Variants in UBE2QL1 observed in about 807,000 individuals in gnomAD.
UBE2QL1 encodes ubiquitin conjugating enzyme E2 QL1, also known as ubiquitin-conjugating enzyme E2Q-like protein 1.
In UBE2QL1, 5 loss-of-function variants were observed where a neutral mutation model predicts 12.6. That is an observed-to-expected ratio of 0.40 (90% CI 0.21 to 0.83). The LOEUF is 0.83. Among genes scored for constraint, UBE2QL1 ranks in the 40% least tolerant of loss-of-function variants. The pLI, the probability that UBE2QL1 is intolerant of heterozygous loss-of-function variation, is 0.37. For synonymous variants in UBE2QL1, 96 were observed against 94.5 expected (o/e 1.02, Z -0.10); for missense variants, 99 against 222.6 (o/e 0.44, Z 3.53).
chr5:6,487,402 G>A (rs145723182), intron 1 of UBE2QL1, among the ~76,000 whole-genome samples: 45 of 152,374 alleles, frequency 3.0e-4, no homozygotes, highest in African/African-American at 1.0e-3. Flanking sequence ...TTAAGGTGGT[G>A]ATGGCAAAAT....
intron 1 of UBE2QL1, among the ~76,000 whole-genome samples, chr5:6,454,679 A>G (rs1739481081): frequency 6.6e-6 from 1 of 152,216 alleles, no homozygotes; most frequent in Non-Finnish European, 1.5e-5. Context: ...AGCTTTGAGC[A>G]GAGAGATGGC....
At chr5:6,460,239 C>G (rs1451301913) in intron 1 of UBE2QL1, among the ~76,000 whole-genome samples, 1 of 152,200 alleles carries the variant, frequency 6.6e-6, no homozygotes, top group East Asian at 1.9e-4. Context: ...GGAGCATAAA[C>G]CCAACTGCTC....
intron 1 of UBE2QL1, among the ~76,000 whole-genome samples, chr5:6,466,548 G>A (rs1003325115): frequency 2.6e-5 from 4 of 152,238 alleles, no homozygotes; most frequent in Admixed American, 1.3e-4. Context: ...CCAGCCCTGC[G>A]CCTAGTAAGC....
intron 1 of UBE2QL1, among the ~76,000 whole-genome samples, chr5:6,459,052 AG>A: frequency 6.6e-6 from 1 of 152,248 alleles, no homozygotes; most frequent in South Asian, 2.1e-4. Context: ...AGGATCCTCC[AG>A]GGGAAGTGCC....
intron 1 of UBE2QL1, among the ~76,000 whole-genome samples, chr5:6,489,211 G>C (rs1207765280): frequency 6.6e-6 from 1 of 152,150 alleles, no homozygotes; most frequent in African/African-American, 2.4e-5. Flanking sequence ...GATCACTTGA[G>C]ACCAGGAGTC....
At chr5:6,487,204 C>A (rs1470395193) in intron 1 of UBE2QL1, among the ~76,000 whole-genome samples, 1 of 152,184 alleles carries the variant, frequency 6.6e-6, no homozygotes, top group Non-Finnish European at 1.5e-5. Context: ...AAGTTTGGGG[C>A]CACTTGTCAT....
At position 6,456,007 on chromosome 5, in the gene UBE2QL1, G is replaced by A. The variant is rs548147807; in HGVS notation, c.354+6760G>A. ...TGATTCCCTCCACCCTCGATGAGAC[G>A]CAGCTGCGGAGGGTGGTGTGAGCAG... On this transcript the variant is annotated intron_variant, in intron 1 of 1. Transcript: ENST00000399816. Among the ~76,000 whole-genome samples the A allele has an allele frequency of 3.9e-5, 6 of 152,278 alleles. No homozygotes were observed. The East Asian group carries it at 9.7e-4, about 25-fold the overall frequency.
At chr5:6,453,210 T>G (rs566166958) in intron 1 of UBE2QL1, among the ~76,000 whole-genome samples, 1 of 152,314 alleles carries the variant, frequency 6.6e-6, no homozygotes, top group South Asian at 2.1e-4. Flanking sequence ...GTGAGGAAAC[T>G]GTAGTTTCAC....
chr5:6,462,677 G>A (rs1488788499), intron 1 of UBE2QL1, among the ~76,000 whole-genome samples: 2 of 152,176 alleles, frequency 1.3e-5, no homozygotes, highest in South Asian at 4.1e-4. Context: ...GGAAGAAAAA[G>A]GCCACCCTCA....
Position 6,491,572 on chromosome 5 carries a change from C to A in UBE2QL1, c.*223C>A, listed in dbSNP as rs1734571057. 2 of 462,604 alleles carry A rather than the reference C, an allele frequency of 4.3e-6. No individual in the cohort carries two copies. The highest frequency in any genetic ancestry group is 1.0e-4 in the South Asian group (2 of 19,526). 28.7% of individuals were successfully genotyped at this position (462,604 alleles called of 1,614,324 possible). A position where few individuals can be genotyped will look rare whatever the true frequency, so the allele number is the denominator to read the frequency against. ...GTTTCGATTATAAATGAATGATCACCTCGAAGTCACTTTAGAACACATGTT... is the reference window on the plus strand; with the variant it reads ...GTTTCGATTATAAATGAATGATCACATCGAAGTCACTTTAGAACACATGTT... On this transcript the variant is annotated 3_prime_UTR_variant, in exon 2 of 2. Transcript: ENST00000399816.
At chr5:6,474,596 C>T (rs1017082899) in intron 1 of UBE2QL1, among the ~76,000 whole-genome samples, 9 of 152,204 alleles carry the variant, frequency 5.9e-5, no homozygotes, top group Admixed American at 1.3e-4. Context: ...TAAAATACTG[C>T]GTGGGACACA....
rs907524320 is a variant in UBE2QL1 at position 6,494,057 on chromosome 5, G to C, written c.*2708G>C. The C allele has an allele frequency of 1.3e-5, 2 of 152,254 alleles. No homozygotes were observed. The highest frequency in any genetic ancestry group is 2.9e-5 in the Non-Finnish European group (2 of 68,072). 9.4% of individuals were successfully genotyped at this position (152,254 alleles called of 1,614,324 possible). A position where few individuals can be genotyped will look rare whatever the true frequency, so the allele number is the denominator to read the frequency against. On this transcript the variant is annotated 3_prime_UTR_variant, in exon 2 of 2. Transcript: ENST00000399816. Reference sequence around the variant, plus strand: ...GATAGCTCCACACACCCATGTATCTGTGGGAACTCAAACCAAGCCAGAGCC... The same window carrying C: ...GATAGCTCCACACACCCATGTATCTCTGGGAACTCAAACCAAGCCAGAGCC...
Position 6,448,971 on chromosome 5 carries a change from C to T in UBE2QL1, c.78C>T (p.Asp26=). 6.5e-7 allele frequency: 1 copy of T among 1,549,600 alleles called. No individual in the cohort carries two copies. The highest frequency in any genetic ancestry group is 8.7e-7 in the Non-Finnish European group (1 of 1,146,166). The part of the protein sequence containing the change: ...SVELVDESLF[D]WNVKLHQVDK... ...AGCTGGTGGACGAGAGCCTGTTCGACTGGAACGTGAAGCTGCACCAGGTGG... is the reference window on the plus strand; with the variant it reads ...AGCTGGTGGACGAGAGCCTGTTCGATTGGAACGTGAAGCTGCACCAGGTGG... Residue 26 remains aspartate (D), a synonymous_variant, in exon 1 of 2, where the codon GAC becomes GAT. Transcript: ENST00000399816.
intron 1 of UBE2QL1, among the ~76,000 whole-genome samples, chr5:6,483,510 G>A (rs906871498): frequency 1.8e-4 from 27 of 152,112 alleles, no homozygotes; most frequent in African/African-American, 6.3e-4. Flanking sequence ...GTGAAGGATC[G>A]TGTTCCCTGC....
intron 1 of UBE2QL1, among the ~76,000 whole-genome samples, chr5:6,467,806 C>G (rs1560931495): frequency 6.6e-6 from 1 of 152,172 alleles, no homozygotes. Context: ...TCCCATCCCC[C>G]TTTGTTCCTG....
intron 1 of UBE2QL1, among the ~76,000 whole-genome samples, chr5:6,467,171 C>T (rs1368770102): frequency 2.0e-5 from 3 of 152,126 alleles, no homozygotes; most frequent in Non-Finnish European, 2.9e-5. Context: ...CTCTGCCTCC[C>T]TCCCTCCCTG....
At chr5:6,482,753 G>A (rs1560935836) in intron 1 of UBE2QL1, among the ~76,000 whole-genome samples, 2 of 152,312 alleles carry the variant, frequency 1.3e-5, no homozygotes, top group South Asian at 2.1e-4. Context: ...GGCTGGGAAC[G>A]ACCCAGGGAG....
Position 6,481,315 on chromosome 5 carries a change from G to A in UBE2QL1, c.355-9903G>A, listed in dbSNP as rs1460050066. On this transcript the variant is annotated intron_variant, in intron 1 of 1. Transcript: ENST00000399816. This position sits in a 1 kb window ranked among gnomAD's most constrained non-coding sequence, Gnocchi z 4.5. ...CTGGCCCCGGGTCACTTGGCATGGTGGCCCACCACCTCCATCCCATCTCGC... is the reference window on the plus strand; with the variant it reads ...CTGGCCCCGGGTCACTTGGCATGGTAGCCCACCACCTCCATCCCATCTCGC... 1.3e-5 allele frequency among the ~76,000 whole-genome samples: 2 copies of A among 152,182 alleles called. No homozygotes were observed. Among genetic ancestry groups the A allele is most frequent in the Admixed American group, 6.5e-5 (1 of 15,288 alleles).
intron 1 of UBE2QL1, among the ~76,000 whole-genome samples, chr5:6,450,555 C>A (rs911268845): frequency 1.3e-5 from 2 of 152,220 alleles, no homozygotes; most frequent in African/African-American, 4.8e-5. Context: ...ATGACCTCGG[C>A]TTGATCTTTC....
Sources: allele counts gnomAD v4.1 joint callset (sites outside exome capture counted in the v4.1 genomes callset), GRCh38; gene constraint gnomAD v4.1.1; non-coding constraint Gnocchi (gnomAD v3.1); transcripts MANE v1.5; gene names NCBI Gene and HGNC (gene_info 2026-07-23, HGNC 2026-07-21).